KIAA1549: variants seen among roughly 807,000 people sequenced by gnomAD.
KIAA1549 encodes the protein KIAA1549.
A neutral mutation model predicts 156.4 loss-of-function variants in KIAA1549; 70 were observed. The observed-to-expected ratio is 0.45, with a 90% CI of 0.37 to 0.55. KIAA1549 has a LOEUF of 0.55. Among genes scored for constraint, KIAA1549 ranks in the 20% least tolerant of loss-of-function variants. KIAA1549 has a pLI of 0.00. For missense variants in KIAA1549, 2,428 were observed against 2,540.9 expected (o/e 0.96, Z 0.96); for synonymous variants, 1,103 against 1,066.4 (o/e 1.03, Z -0.67).
chr7:138,935,487 A>T (rs76450235), intron 1 of KIAA1549, among the ~76,000 whole-genome samples: 2 of 134,208 alleles, frequency 1.5e-5, no homozygotes, highest in East Asian at 4.0e-4. Context: ...AGGCAAAAAA[A>T]TTTCTGTCAG....
In KIAA1549 at chr7:138,863,252, C is replaced by G. The variant is rs138940472; in HGVS notation, c.4930-1796G>C. Among the ~76,000 whole-genome samples the G allele has an allele frequency of 9.9e-5, 15 of 151,432 alleles. No homozygotes were observed. The East Asian group carries it at 2.5e-3, about 25-fold the overall frequency. Reference sequence around the variant, plus strand: ...CTCTGTGAGGAAGGGTGGGCGGCTTCTATCTAGAATGCTTCACTTGCCACG... The same window carrying G: ...CTCTGTGAGGAAGGGTGGGCGGCTTGTATCTAGAATGCTTCACTTGCCACG... On this transcript the variant is annotated intron_variant, in intron 15 of 19. Coordinates refer to ENST00000422774, the MANE Select transcript of KIAA1549 (RefSeq NM_001164665.2).
intron 7 of KIAA1549, among the ~76,000 whole-genome samples, chr7:138,904,216 A>C (rs1811943824): frequency 6.6e-6 from 1 of 152,264 alleles, no homozygotes; most frequent in African/African-American, 2.4e-5. Context: ...ATTTCAGACA[A>C]GATGATCTCA....
intron 1 of KIAA1549, among the ~76,000 whole-genome samples, chr7:138,929,805 C>T (rs1274897846): frequency 6.6e-6 from 1 of 152,168 alleles, no homozygotes; most frequent in African/African-American, 2.4e-5. Flanking sequence ...TCCCCCACAG[C>T]TCAACCTCCC....
chr7:138,912,846 A>G (rs556212702), intron 2 of KIAA1549, among the ~76,000 whole-genome samples: 2 of 152,246 alleles, frequency 1.3e-5, no homozygotes, highest in African/African-American at 4.8e-5. Flanking sequence ...TGACAACAAA[A>G]CATGAGGCTT....
At chr7:138,965,126 A>AT (rs1813979981) in intron 1 of KIAA1549, among the ~76,000 whole-genome samples, 2 of 151,984 alleles carry the variant, frequency 1.3e-5, no homozygotes, top group South Asian at 4.2e-4. Context: ...GCGGTTGCTA[A>AT]TTTTTTACAT....
chr7:138,874,966 G>C (rs1811038600), intron 12 of KIAA1549, among the ~76,000 whole-genome samples: 1 of 152,126 alleles, frequency 6.6e-6, no homozygotes, highest in Non-Finnish European at 1.5e-5. Context: ...CTGCACCCCA[G>C]CCTGGGCAAC....
At chr7:138,871,436 T>A in intron 12 of KIAA1549, 74 bp from the exon 13 acceptor site, 1 of 1,321,188 alleles carries the variant, frequency 7.6e-7, no homozygotes, top group South Asian at 1.6e-5. Context: ...AATTGTGAAT[T>A]ATTCTTTAAA....
At chr7:138,838,959 G>A (rs549330822) in intron 19 of KIAA1549, among the ~76,000 whole-genome samples, 2 of 152,238 alleles carry the variant, frequency 1.3e-5, no homozygotes, top group Admixed American at 1.3e-4. Context: ...GAGGCCAGGA[G>A]TTCAAGACCA....
At chr7:138,843,644 T>G (rs1809986361) in intron 18 of KIAA1549, among the ~76,000 whole-genome samples, 1 of 152,234 alleles carries the variant, frequency 6.6e-6, no homozygotes, top group South Asian at 2.1e-4. Flanking sequence ...GTTCAGATTT[T>G]AAACTAAAAA....
At chr7:138,878,737 C>T (rs1400984089) in intron 12 of KIAA1549, among the ~76,000 whole-genome samples, 1 of 145,606 alleles carries the variant, frequency 6.9e-6, no homozygotes, top group South Asian at 2.3e-4. Context: ...ACTCCAGCCT[C>T]AGTGATAGAG....
intron 8 of KIAA1549, among the ~76,000 whole-genome samples, chr7:138,902,513 G>A (rs1366845645): frequency 1.3e-5 from 2 of 152,160 alleles, no homozygotes; most frequent in Non-Finnish European, 2.9e-5. Flanking sequence ...TTCATATGGA[G>A]ATGGAAATTA....
Position 138,861,152 on chromosome 7 carries a change from T to C in KIAA1549, c.5234A>G (p.Asn1745Ser), listed in dbSNP as rs376508722. 1.5e-5 allele frequency: 25 copies of C among 1,613,724 alleles called. No individual in the cohort carries two copies. In the African/African-American group the frequency reaches 2.1e-4, roughly 14 times the overall value. Reference sequence around the variant, plus strand: ...GCCAGTACTTACACTGCAGGGATTGTTGGCCGTCTGGGCTGGGCTGTAGAA... The same window carrying C: ...GCCAGTACTTACACTGCAGGGATTGCTGGCCGTCTGGGCTGGGCTGTAGAA... ...GSFYSPAQTA[N>S]NPCSRYEDYG... The change falls in exon 16 of 20, where the codon AAC becomes AGC. Residue 1745 changes from asparagine (N) to serine (S), a missense_variant. This residue lies in a region of KIAA1549 where 363 missense variants were observed against 354.0 expected (regional missense o/e 1.03). Coordinates refer to ENST00000422774, the MANE Select transcript of KIAA1549 (RefSeq NM_001164665.2).
intron 1 of KIAA1549, among the ~76,000 whole-genome samples, chr7:138,955,376 A>G (rs566802370): frequency 6.6e-6 from 1 of 152,348 alleles, no homozygotes; most frequent in East Asian, 1.9e-4. Flanking sequence ...CAAAGGCACA[A>G]AAAGAAATAC....
In KIAA1549 at chr7:138,833,054, C is replaced by T. The variant is rs2130307706; in HGVS notation, c.*4852G>A. ...TTTTGTGTTCACATGCTCTGTCTGC[C>T]GGTACAGAAGTGGACTTCCTCCTGC... On this transcript the variant is annotated 3_prime_UTR_variant, in exon 20 of 20. Coordinates refer to ENST00000422774, the MANE Select transcript of KIAA1549 (RefSeq NM_001164665.2). The T allele has an allele frequency of 4.3e-6, 1 of 231,956 alleles. No homozygotes were observed. The highest frequency in any genetic ancestry group is 6.1e-5 in the East Asian group (1 of 16,418). 14.4% of individuals were successfully genotyped at this position (231,956 alleles called of 1,614,324 possible). A position where few individuals can be genotyped will look rare whatever the true frequency, so the allele number is the denominator to read the frequency against.
At chr7:138,867,807 C>T (rs748301339) in intron 15 of KIAA1549, among the ~76,000 whole-genome samples, 168 bp downstream of exon 15, 1 of 152,186 alleles carries the variant, frequency 6.6e-6, no homozygotes, top group Non-Finnish European at 1.5e-5. Context: ...TGGCACCCCA[C>T]CCCACCCACT....
At chr7:138,960,689 C>T (rs1813818068) in intron 1 of KIAA1549, among the ~76,000 whole-genome samples, 1 of 152,188 alleles carries the variant, frequency 6.6e-6, no homozygotes, top group African/African-American at 2.4e-5. Flanking sequence ...ACACCCCAGG[C>T]TGGAGCCCAG....
At chr7:138,850,053 A>G (rs1810194605) in intron 17 of KIAA1549, among the ~76,000 whole-genome samples, 1 of 152,128 alleles carries the variant, frequency 6.6e-6, no homozygotes, top group Admixed American at 6.6e-5. Flanking sequence ...ACAGCCGAAC[A>G]ATTTATATTC....
chr7:138,877,088 G>A (rs1811106936), intron 12 of KIAA1549, among the ~76,000 whole-genome samples: 1 of 152,172 alleles, frequency 6.6e-6, no homozygotes, highest in Non-Finnish European at 1.5e-5. Flanking sequence ...TGGTCCCATG[G>A]CAACATGGAA....
chr7:138,867,929 G>A (rs1183441867), intron 15 of KIAA1549, 46 bp downstream of exon 15: 1 of 1,601,434 alleles, frequency 6.2e-7, no homozygotes, highest in Non-Finnish European at 8.5e-7. Context: ...ATCTTTCTAG[G>A]AGCCGCCCCA....
Sources: allele counts gnomAD v4.1 joint callset (sites outside exome capture counted in the v4.1 genomes callset), GRCh38; gene constraint gnomAD v4.1.1; regional missense constraint gnomAD v4.1.1; transcripts MANE v1.5; gene names NCBI Gene and HGNC (gene_info 2026-07-23, HGNC 2026-07-21).